The following LRRK2 variants were observed in gnomAD, a reference collection of about 807,000 sequenced individuals.
LRRK2 encodes the protein leucine rich repeat kinase 2.
Under a neutral mutation model 302.6 loss-of-function variants are expected in LRRK2, and 203 were observed. The observed-to-expected ratio is 0.67, with a 90% CI of 0.60 to 0.75. The LOEUF is 0.75. LRRK2 is among the 30% of genes least tolerant of loss of function. The pLI is 0.00. For missense variants in LRRK2, 2,830 were observed against 2,951.0 expected (o/e 0.96, Z 0.95); for synonymous variants, 1,066 against 1,031.9 (o/e 1.03, Z -0.63).
chr12:40,225,486 A>C, intron 1 of LRRK2, 69 bp from the exon 2 acceptor site: 1 of 1,419,116 alleles, frequency 7.0e-7, no homozygotes, highest in South Asian at 1.2e-5. Context: ...TCCCCGTTTC[A>C]GACTAAAAAG....
In LRRK2 at chr12:40,354,363, G is replaced by T; in HGVS notation, c.6641G>T (p.Trp2214Leu). ...LVHLPVEKES[W>L]IVSGTQSGTL... ...CATCTTCCTGTTGAAAAGGAAAGCT[G>T]GATTGTGTCTGGGACACAGTCTGGT... Residue 2214 changes from tryptophan to leucine, a missense_variant, in exon 45 of 51, where the codon TGG becomes TTG. By Grantham distance (61) the Trp-to-Leu change is moderately conservative (BLOSUM62 -2). Around this residue, in one of 3 missense-constraint regions of LRRK2, gnomAD observed 456 missense variants for 456.3 expected, o/e 1.00. Transcript: ENST00000298910. 1 of 1,614,092 alleles carries T rather than the reference G, an allele frequency of 6.2e-7. No individual in the cohort carries two copies. Among genetic ancestry groups the T allele is most frequent in the Non-Finnish European group, 8.5e-7 (1 of 1,179,984 alleles).
intron 41 of LRRK2, among the ~76,000 whole-genome samples, chr12:40,341,540 T>C (rs1381676533): frequency 1.3e-5 from 2 of 152,226 alleles, no homozygotes; most frequent in African/African-American, 2.4e-5. Context: ...TGTCTCTGTG[T>C]TGTTCAATAA....
intron 12 of LRRK2, among the ~76,000 whole-genome samples, chr12:40,259,113 C>T (rs1339375934): frequency 6.6e-6 from 1 of 152,164 alleles, no homozygotes; most frequent in Non-Finnish European, 1.5e-5. Context: ...CCAGCCTTGT[C>T]TCTGTCACTT....
In LRRK2 at chr12:40,320,183, A is replaced by C. The variant is rs1329317075; in HGVS notation, c.5015+8A>C. Reference sequence around the variant, plus strand: ...TTTGCTGGTTCCAAGCAGGTAAAGAAAACCTTAAAAAATTAATTGCTACAT... The same window carrying C: ...TTTGCTGGTTCCAAGCAGGTAAAGACAACCTTAAAAAATTAATTGCTACAT... On this transcript the variant is annotated splice_region_variant and intron_variant, in intron 34 of 50. Transcript: ENST00000298910. 6.2e-7 allele frequency: 1 copy of C among 1,607,482 alleles called. No homozygotes were observed. Among genetic ancestry groups the C allele is most frequent in the Admixed American group, 1.7e-5 (1 of 59,702 alleles).
intron 47 of LRRK2, among the ~76,000 whole-genome samples, chr12:40,361,030 G>A (rs1427266830): frequency 6.6e-6 from 1 of 152,156 alleles, no homozygotes; most frequent in Admixed American, 6.5e-5. Context: ...TTCAACATTG[G>A]CTGTGCATTT....
rs538923928 is a variant in LRRK2, at chr12:40,254,988, G to A, written c.1288+1972G>A. Among the ~76,000 whole-genome samples the A allele has an allele frequency of 2.0e-4, 30 of 152,238 alleles. No individual in the cohort carries two copies. In the South Asian group the frequency reaches 6.2e-3, roughly 32 times the overall value. ...TGGCTTTATGTTTTTAGAAAAAATG[G>A]CTACATTGGCAGGCAGAAGAACTGC... On this transcript the variant is annotated intron_variant, in intron 11 of 50. Transcript: ENST00000298910.
intron 44 of LRRK2, among the ~76,000 whole-genome samples, chr12:40,352,927 G>C (rs138382676): frequency 0.11 from 16,394 of 152,130 alleles, 1,250 homozygotes; most frequent in Non-Finnish European, 0.15. Context: ...TTTTCTACTC[G>C]ACAAAACCGC....
Position 40,283,953 on chromosome 12 carries a change from G to A in LRRK2, c.2320G>A (p.Ala774Thr). 1 of 1,613,922 alleles carries A rather than the reference G, an allele frequency of 6.2e-7. No homozygotes were observed. Among genetic ancestry groups the A allele is most frequent in the Non-Finnish European group, 8.5e-7 (1 of 1,179,864 alleles). The change falls in exon 19 of 51, where the codon GCG becomes ACG. Residue 774 changes from alanine to threonine, a missense_variant. Physicochemically the swap from Ala to Thr is moderately conservative, Grantham distance 58 (BLOSUM62 0). Transcript: ENST00000298910. ...SGSREQDVRKALTISIGKGDS... is the reference protein window; with the variant it reads ...SGSREQDVRKTLTISIGKGDS... Reference sequence around the variant, plus strand: ...ATCTCGTGAACAAGATGTACGAAAAGCGTTGACGATAAGCATTGGGAAAGG... The same window carrying A: ...ATCTCGTGAACAAGATGTACGAAAAACGTTGACGATAAGCATTGGGAAAGG...
chr12:40,302,818 A>C lies in LRRK2; in HGVS notation c.3526A>C (p.Thr1176Pro). The C allele has an allele frequency of 6.2e-7, 1 of 1,611,210 alleles. No homozygotes were observed. Among genetic ancestry groups the C allele is most frequent in the East Asian group, 2.2e-5 (1 of 44,662 alleles). ...TATGCCTTTCTTGCCTCCTTCTATG[A>C]CAATCCTAAAATTATCTCAGAACAA... ...AAMPFLPPSM[T>P]ILKLSQNKFS... is the part of the protein sequence containing the mutation. Residue 1176 changes from threonine to proline, a missense_variant, in exon 26 of 51, where the codon ACA (threonine) becomes CCA (proline). Thr to Pro is a conservative substitution (Grantham distance 38). Coordinates refer to ENST00000298910, the MANE Select transcript of LRRK2 (RefSeq NM_198578.4).
chr12:40,298,328 C>T lies in LRRK2; in HGVS notation c.3182C>T (p.Ala1061Val). 1 of 1,613,866 alleles carries T rather than the reference C, an allele frequency of 6.2e-7. No homozygotes were observed. Among genetic ancestry groups the T allele is most frequent in the Non-Finnish European group, 8.5e-7 (1 of 1,179,942 alleles). The change falls in exon 24 of 51, where the codon GCT becomes GTT. Residue 1061 changes from alanine (A) to valine (V), a missense_variant. Ala to Val is a moderately conservative substitution (Grantham distance 64). This residue lies in a region of LRRK2 where 2,121 missense variants were observed against 2,148.0 expected (regional missense o/e 0.99). Coordinates refer to ENST00000298910, the MANE Select transcript of LRRK2 (RefSeq NM_198578.4). ...TATTTGTTGAAAATGAGTTGTATTG[C>T]TAATCTTGATGTCTCTCGAAATGAC... ...PSYLLKMSCI[A>V]NLDVSRNDIG...
rs1941674698 is a variant in LRRK2 at position 40,240,482 on chromosome 12, G to A, written c.572-1G>A. On this transcript the variant is annotated splice_acceptor_variant, in intron 5 of 50. Transcript: ENST00000298910. LOFTEE classifies it high-confidence loss of function. ...TCAGTATTTTGTCTTTCATTTTTAA[G>A]TCTCAGAGGAGCAACTGACTGAATT... The A allele has an allele frequency of 6.2e-7, 1 of 1,611,914 alleles. No homozygotes were observed. Among genetic ancestry groups the A allele is most frequent in the South Asian group, 1.1e-5 (1 of 91,002 alleles).
intron 49 of LRRK2, chr12:40,365,844 T>C (rs547566889): frequency 3.2e-4 from 48 of 152,066 alleles, no homozygotes; most frequent in Admixed American, 1.4e-3. Flanking sequence ...TTATAGACTT[T>C]AGAGTTGCAC....
intron 23 of LRRK2, among the ~76,000 whole-genome samples, chr12:40,296,737 A>G (rs1193998868): frequency 6.6e-6 from 1 of 152,148 alleles, no homozygotes; most frequent in Admixed American, 6.5e-5. Context: ...AATTTTAAGT[A>G]TATTTAAGGG....
chr12:40,276,550 A>T (rs1387104436), intron 16 of LRRK2, among the ~76,000 whole-genome samples: 2 of 151,962 alleles, frequency 1.3e-5, no homozygotes, highest in African/African-American at 2.4e-5. Context: ...CTCACCTCGG[A>T]CTCCCAAAGT....
chr12:40,245,220 G>A (rs1941925841), intron 7 of LRRK2, among the ~76,000 whole-genome samples: 1 of 151,728 alleles, frequency 6.6e-6, no homozygotes, highest in Admixed American at 6.6e-5. Context: ...TTAAACTGTT[G>A]CAGTTTGTTT....
At chr12:40,322,602 G>A in intron 37 of LRRK2, 92 bp downstream of exon 37, 1 of 1,140,474 alleles carries the variant, frequency 8.8e-7, no homozygotes. Flanking sequence ...TTATCCATAA[G>A]GGATGAGTTG....
intron 38 of LRRK2, among the ~76,000 whole-genome samples, chr12:40,326,290 C>T (rs1565753703): frequency 6.6e-6 from 1 of 151,808 alleles, no homozygotes; most frequent in Non-Finnish European, 1.5e-5. Context: ...CGGTGAAACC[C>T]CATCTCTACT....
chr12:40,351,455 A>G, intron 43 of LRRK2, 84 bp from the exon 44 acceptor site: 2 of 1,351,956 alleles, frequency 1.5e-6, no homozygotes, highest in African/African-American at 1.4e-5. Flanking sequence ...TGACAGAGCT[A>G]TAACACTTCA....
At chr12:40,347,720 T>A (rs1305388965) in intron 42 of LRRK2, among the ~76,000 whole-genome samples, 1 of 152,214 alleles carries the variant, frequency 6.6e-6, no homozygotes, top group Non-Finnish European at 1.5e-5. Context: ...CCCAGCACTT[T>A]GGGAGGCCCA....
Sources: allele counts gnomAD v4.1 joint callset (sites outside exome capture counted in the v4.1 genomes callset), GRCh38; gene constraint gnomAD v4.1.1; regional missense constraint gnomAD v4.1.1; transcripts MANE v1.5; gene names NCBI Gene and HGNC (gene_info 2026-07-23, HGNC 2026-07-21).